Variants in NVL observed in about 807,000 individuals in gnomAD.
NVL encodes the protein nuclear valosin-containing protein-like.
A neutral mutation model predicts 110.2 loss-of-function variants in NVL; 84 were observed. The observed-to-expected ratio is 0.76, with a 90% CI of 0.64 to 0.91. The LOEUF (loss-of-function observed/expected upper bound fraction) is 0.91. Ranked by LOEUF, NVL falls within the 40% of genes least tolerant of loss-of-function variation. The pLI, the probability that NVL is intolerant of heterozygous loss-of-function variation, is 0.00. For missense variants in NVL, 882 were observed against 1,035.9 expected (o/e 0.85, Z 2.04); for synonymous variants, 354 against 361.1 (o/e 0.98, Z 0.22).
At chr1:224,267,740 C>T (rs1250945530) in intron 18 of NVL, among the ~76,000 whole-genome samples, 1 of 150,588 alleles carries the variant, frequency 6.6e-6, no homozygotes, top group Non-Finnish European at 1.5e-5. Flanking sequence ...CCAAAAAGAG[C>T]TTTCTAAGCA....
At chr1:224,264,116 G>A (rs1455538181) in intron 18 of NVL, among the ~76,000 whole-genome samples, 2 of 152,096 alleles carry the variant, frequency 1.3e-5, no homozygotes, top group African/African-American at 4.8e-5. Context: ...TGAGTAAAGA[G>A]GCCACTGTGG....
chr1:224,260,061 A>T (rs1334503619), intron 18 of NVL, among the ~76,000 whole-genome samples: 2 of 152,186 alleles, frequency 1.3e-5, no homozygotes, highest in African/African-American at 4.8e-5. Context: ...TTAAAAGGGC[A>T]GTACTGTGCC....
Position 224,289,616 on chromosome 1 carries a change from T to C in NVL, c.1443A>G (p.Ala481=). 2 of 1,614,270 alleles carry C rather than the reference T, an allele frequency of 1.2e-6. No homozygotes were observed. Among genetic ancestry groups the C allele is most frequent in the Non-Finnish European group, 1.7e-6 (2 of 1,180,058 alleles). The part of the protein sequence containing the change: ...GADLMALCRE[A]AMCAVNRVLM... ...AGACTCTATTGACTGCACACATTGC[T>C]GCCTCTCGGCACAGTGCCATGAGAT... Residue 481 remains alanine, a synonymous_variant, in exon 13 of 23, where the codon GCA becomes GCG. Coordinates refer to ENST00000281701, the MANE Select transcript of NVL (RefSeq NM_002533.4).
intron 17 of NVL, among the ~76,000 whole-genome samples, chr1:224,271,778 C>T (rs532663508): frequency 7.9e-5 from 12 of 151,940 alleles, no homozygotes; most frequent in East Asian, 1.9e-4. Context: ...TTTAGGAGGC[C>T]GAGGCGGGCA....
chr1:224,292,148 G>A (rs1667437076), intron 12 of NVL, among the ~76,000 whole-genome samples: 1 of 152,150 alleles, frequency 6.6e-6, no homozygotes, highest in Non-Finnish European at 1.5e-5. Context: ...TCCATAATTT[G>A]ATGCTTTTGA....
chr1:224,309,149 T>C (rs570114026), intron 5 of NVL, among the ~76,000 whole-genome samples: 57 of 151,820 alleles, frequency 3.8e-4, no homozygotes, highest in African/African-American at 1.3e-3. Context: ...GTAAGTATGG[T>C]TGCTTCGAAA....
intron 16 of NVL, among the ~76,000 whole-genome samples, chr1:224,280,169 G>GTTTT (rs1225902326): frequency 2.3e-5 from 3 of 130,970 alleles, no homozygotes; most frequent in African/African-American, 9.2e-5. Context: ...GTGTACTGCT[G>GTTTT]TTTTTTTTTG....
At chr1:224,260,212 T>C (rs905289718) in intron 18 of NVL, among the ~76,000 whole-genome samples, 4 of 152,218 alleles carry the variant, frequency 2.6e-5, no homozygotes, top group African/African-American at 9.6e-5. Context: ...GTGGTAAATA[T>C]CTTAGTACAA....
intron 17 of NVL, chr1:224,269,624 A>C (rs1483617548): frequency 1.3e-5 from 2 of 152,226 alleles, no homozygotes; most frequent in African/African-American, 2.4e-5. Context: ...TACAGAAACA[A>C]CAAAAAAGTT....
intron 18 of NVL, among the ~76,000 whole-genome samples, chr1:224,252,723 A>C (rs1662642432): frequency 6.6e-6 from 1 of 152,226 alleles, no homozygotes; most frequent in Non-Finnish European, 1.5e-5. Flanking sequence ...TCAATATCAT[A>C]CTAGAGCATG....
chr1:224,292,453 A>G lies in NVL; in HGVS notation c.1325+1814T>C, dbSNP rs1386849103. Reference sequence around the variant, plus strand: ...CTTGGAAATGTTAAAAACACTGGACAAGGACCAAGGATAACAGGAGGCAGA... The same window carrying G: ...CTTGGAAATGTTAAAAACACTGGACGAGGACCAAGGATAACAGGAGGCAGA... On this transcript the variant is annotated intron_variant, in intron 12 of 22. Transcript: ENST00000281701. Among the ~76,000 whole-genome samples the G allele has an allele frequency of 2.0e-5, 3 of 152,220 alleles. No individual in the cohort carries two copies. The East Asian group carries it at 5.8e-4, about 29-fold the overall frequency.
At chr1:224,287,019 C>T (rs989027562) in intron 14 of NVL, among the ~76,000 whole-genome samples, 19 of 152,274 alleles carry the variant, frequency 1.2e-4, no homozygotes, top group Non-Finnish European at 2.2e-4. Flanking sequence ...TTTAAACTCA[C>T]TGCTACAGAA....
At chr1:224,305,421 C>A in intron 6 of NVL, 1 of 336,112 alleles carries the variant, frequency 3.0e-6, no homozygotes, top group Non-Finnish European at 5.3e-6. Context: ...TGGAATGATA[C>A]AAAGATTAGC....
intron 4 of NVL, among the ~76,000 whole-genome samples, chr1:224,314,998 T>C (rs1669926550): frequency 6.6e-6 from 1 of 151,034 alleles, no homozygotes. Context: ...GCGACAAGAG[T>C]GAGACTCCAT....
intron 15 of NVL, among the ~76,000 whole-genome samples, chr1:224,281,462 G>A (rs1269547301): frequency 2.0e-5 from 3 of 151,496 alleles, no homozygotes; most frequent in Admixed American, 6.6e-5. Context: ...CACCACGCCC[G>A]GCTAATTTTT....
chr1:224,257,620 G>C (rs909672238), intron 18 of NVL, among the ~76,000 whole-genome samples: 1 of 151,912 alleles, frequency 6.6e-6, no homozygotes, highest in Non-Finnish European at 1.5e-5. Flanking sequence ...CTTGATCTCC[G>C]GGACTCAAGC....
intron 4 of NVL, among the ~76,000 whole-genome samples, chr1:224,317,022 C>T (rs1029943175): frequency 6.6e-6 from 1 of 151,440 alleles, no homozygotes; most frequent in Non-Finnish European, 1.5e-5. Flanking sequence ...GACTGTAATC[C>T]CAGCTACTTG....
chr1:224,315,911 T>G (rs1572051930), intron 4 of NVL, among the ~76,000 whole-genome samples: 1 of 152,246 alleles, frequency 6.6e-6, no homozygotes, highest in African/African-American at 2.4e-5. Context: ...GATAAACAGA[T>G]AGGTCAGGCA....
intron 19 of NVL, among the ~76,000 whole-genome samples, chr1:224,246,754 G>A (rs116083449): frequency 2.0e-5 from 3 of 152,144 alleles, no homozygotes; most frequent in African/African-American, 4.8e-5. Flanking sequence ...GAGCCAAGAA[G>A]GCCGGGCATG....
Sources: gnomAD v4.1 joint callset for allele counts (sites outside exome capture counted in the v4.1 genomes callset) on GRCh38, gnomAD v4.1.1 for gene constraint, MANE v1.5 for transcripts, NCBI Gene and HGNC (gene_info 2026-07-23, HGNC 2026-07-21) for gene names.